The following GPHN variants were observed in gnomAD, a reference collection of about 807,000 sequenced individuals.
The protein encoded by GPHN is gephyrin.
GPHN carries 17 observed loss-of-function variants against 95.5 expected under a neutral mutation model. The ratio of observed to expected loss-of-function variants is 0.18; its 90% CI spans 0.12 to 0.27. The LOEUF (loss-of-function observed/expected upper bound fraction) is 0.27. GPHN is among the 10% of genes least tolerant of loss of function. The probability of loss-of-function intolerance (pLI) is 1.00; values close to 1 mark genes in which losing one functional copy is unlikely to be tolerated. For synonymous variants in GPHN, 320 were observed against 322.5 expected (o/e 0.99, Z 0.08); for missense variants, 660 against 978.1 (o/e 0.67, Z 4.34).
intron 13 of GPHN, among the ~76,000 whole-genome samples, chr14:67,104,131 G>T (rs1007063266): frequency 6.6e-6 from 1 of 152,128 alleles, no homozygotes; most frequent in Admixed American, 6.5e-5. Flanking sequence ...TGATCATATG[G>T]TTTTTGTCCT....
At chr14:66,688,927 T>TGG (rs1162141684) in intron 2 of GPHN, among the ~76,000 whole-genome samples, 7 of 45,312 alleles carry the variant, frequency 1.5e-4, no homozygotes, top group Admixed American at 1.4e-3. Flanking sequence ...GGTGGGGGGC[T>TGG]GGGGGAGGGA....
chr14:67,317,445 GA>G, the GPHN span: 1 of 1,611,692 alleles, frequency 6.2e-7, no homozygotes. Context: ...AAAAGAAGAG[GA>G]AAAAGGTTTT....
At chr14:67,383,338 T>A in the GPHN span, 2 of 1,613,532 alleles carry the variant, frequency 1.2e-6, no homozygotes, top group Non-Finnish European at 1.7e-6. Flanking sequence ...CAGATACAGA[T>A]GAGACTGAAC....
the GPHN span, among the ~76,000 whole-genome samples, chr14:67,540,991 T>A: frequency 6.6e-6 from 1 of 152,172 alleles, no homozygotes. Context: ...TTTGTACAAA[T>A]TTTTTTCCCA....
the GPHN span, among the ~76,000 whole-genome samples, chr14:67,337,215 A>T: frequency 1.3e-5 from 2 of 152,226 alleles, no homozygotes; most frequent in African/African-American, 4.8e-5. Flanking sequence ...TTAGTACTTT[A>T]AAACTGCCTA....
chr14:67,590,375 C>T, the GPHN span, among the ~76,000 whole-genome samples: 2 of 151,794 alleles, frequency 1.3e-5, no homozygotes, highest in Non-Finnish European at 2.9e-5. Context: ...GCTTCAGCCT[C>T]CCGAGTAGCT....
chr14:67,686,530 T>G, the GPHN span, among the ~76,000 whole-genome samples: 1 of 151,934 alleles, frequency 6.6e-6, no homozygotes, highest in East Asian at 1.9e-4. Flanking sequence ...TCCCAGCTAC[T>G]TGGGAGGCTG....
At chr14:67,102,167 C>G (rs1344802742) in intron 13 of GPHN, among the ~76,000 whole-genome samples, 1 of 151,950 alleles carries the variant, frequency 6.6e-6, no homozygotes. Flanking sequence ...CCACCGCGCC[C>G]GGCCTGGCCA....
At chr14:67,218,801 A>G in the GPHN span, among the ~76,000 whole-genome samples, 1 of 151,974 alleles carries the variant, frequency 6.6e-6, no homozygotes. Context: ...GAGGGTGTGT[A>G]TGCAGCAGTT....
At chr14:67,083,067 G>A (rs117097479) in intron 11 of GPHN, among the ~76,000 whole-genome samples, 4,701 of 152,248 alleles carry the variant, frequency 0.031, 108 homozygotes, top group Non-Finnish European at 0.044. Context: ...GATAGAAAAA[G>A]ACATTTTGAG....
intron 9 of GPHN, among the ~76,000 whole-genome samples, chr14:66,977,610 A>C (rs1449094716): frequency 6.6e-6 from 1 of 152,178 alleles, no homozygotes; most frequent in East Asian, 1.9e-4. Flanking sequence ...AATAGTACAC[A>C]CATATATAAG....
At chr14:67,496,661 CTCTT>C in the GPHN span, among the ~76,000 whole-genome samples, 8 of 150,946 alleles carry the variant, frequency 5.3e-5, no homozygotes, top group East Asian at 2.0e-4. Context: ...CTCTCTCTCT[CTCTT>C]TCTTTCCTTC....
chr14:66,874,460 G>A (rs984573863), intron 4 of GPHN, among the ~76,000 whole-genome samples: 39 of 152,028 alleles, frequency 2.6e-4, no homozygotes, highest in Admixed American at 1.2e-3. Context: ...AAACTCCTCC[G>A]AGCTAAAGGA....
intron 9 of GPHN, among the ~76,000 whole-genome samples, chr14:66,980,091 C>G (rs942596356): frequency 1.3e-5 from 2 of 152,084 alleles, no homozygotes; most frequent in African/African-American, 4.8e-5. Flanking sequence ...CATAGACAAC[C>G]ATAACAGATA....
intron 10 of GPHN, among the ~76,000 whole-genome samples, chr14:67,025,867 G>A (rs887072999): frequency 1.3e-5 from 2 of 152,086 alleles, no homozygotes; most frequent in South Asian, 2.1e-4. Flanking sequence ...CACCAAATGT[G>A]AACAAGCTCT....
At chr14:67,173,020 G>T (rs1482270190) in intron 21 of GPHN, among the ~76,000 whole-genome samples, 1 of 152,170 alleles carries the variant, frequency 6.6e-6, no homozygotes, top group Non-Finnish European at 1.5e-5. Flanking sequence ...CCAGAGCTGT[G>T]CCCTGCCCGC....
At chr14:67,660,067 T>C in the GPHN span, 6 of 805,488 alleles carry the variant, frequency 7.4e-6, no homozygotes, top group African/African-American at 1.7e-5. Flanking sequence ...AGGGACCATG[T>C]CTGGCATGTT....
chr14:67,427,059 G>C, the GPHN span, among the ~76,000 whole-genome samples: 5 of 152,038 alleles, frequency 3.3e-5, no homozygotes, highest in Admixed American at 1.3e-4. Context: ...GGTAGCTAGA[G>C]TGTATTGTGT....
the GPHN span, among the ~76,000 whole-genome samples, chr14:67,277,431 G>T: frequency 6.6e-6 from 1 of 152,154 alleles, no homozygotes; most frequent in African/African-American, 2.4e-5. Context: ...GTCCCTGTTT[G>T]CATTATGACC....
Sources: allele counts gnomAD v4.1 joint callset (sites outside exome capture counted in the v4.1 genomes callset), GRCh38; gene constraint gnomAD v4.1.1; transcripts MANE v1.5; gene names NCBI Gene and HGNC (gene_info 2026-07-23, HGNC 2026-07-21).